Variants in ANXA13 observed in about 807,000 individuals in gnomAD.
The protein encoded by ANXA13 is annexin A13.
ANXA13 carries 36 observed loss-of-function variants against 46.6 expected under a neutral mutation model. The ratio of observed to expected loss-of-function variants is 0.77; its 90% CI spans 0.59 to 1.02. The LOEUF (loss-of-function observed/expected upper bound fraction) is 1.02. Among genes scored for constraint, ANXA13 ranks in the 50% least tolerant of loss-of-function variants. The pLI, the probability that ANXA13 is intolerant of heterozygous loss-of-function variation, is 0.00. For synonymous variants in ANXA13, 163 were observed against 152.9 expected (o/e 1.07, Z -0.49); for missense variants, 417 against 396.5 (o/e 1.05, Z -0.44).
At chr8:123,716,039 T>C (rs1329920299) in intron 1 of ANXA13, among the ~76,000 whole-genome samples, 3 of 152,210 alleles carry the variant, frequency 2.0e-5, no homozygotes, top group Non-Finnish European at 4.4e-5. Context: ...TTGAGTCATG[T>C]GCTATGAATG....
At chr8:123,717,133 C>A (rs1018504808) in intron 1 of ANXA13, among the ~76,000 whole-genome samples, 2 of 152,146 alleles carry the variant, frequency 1.3e-5, no homozygotes, top group Non-Finnish European at 2.9e-5. Flanking sequence ...TGGAGGTCTG[C>A]GCTTTGAGCC....
At chr8:123,702,230 G>C (rs900067228) in intron 3 of ANXA13, among the ~76,000 whole-genome samples, 8 of 146,678 alleles carry the variant, frequency 5.5e-5, no homozygotes, top group African/African-American at 2.0e-4. Context: ...AGAAAAATAG[G>C]TGTTGATAGC....
chr8:123,735,791 G>T lies in ANXA13; in HGVS notation c.15+1529C>A, dbSNP rs769061885. ...CCTCTGGCTCTCCATTCCGTGATGG[G>T]TGGCTGAGAGGCTGCACGACTGTCG... On this transcript the variant is annotated intron_variant, in intron 1 of 10. Coordinates refer to ENST00000419625, the MANE Select transcript of ANXA13 (RefSeq NM_004306.4). 24 of 1,612,494 alleles carry T rather than the reference G, an allele frequency of 1.5e-5. No individual in the cohort carries two copies. The highest frequency in any genetic ancestry group is 1.9e-5 in the Non-Finnish European group (22 of 1,179,242).
In ANXA13 at chr8:123,712,736, A is replaced by C. The variant is rs1217359177; in HGVS notation, c.33T>G (p.Pro11=). The C allele has an allele frequency of 6.2e-7, 1 of 1,614,232 alleles. No homozygotes were observed. The highest frequency in any genetic ancestry group is 1.7e-5 in the Admixed American group (1 of 60,026). ...CATCTCGATCCACATCAAAACCCTG[A>C]GGACTGCTCGCTTTAGCCTGGAGAA... MGNRHAKASS[P]QGFDVDRDAK... Residue 11 remains proline (P), a synonymous_variant, in exon 2 of 11, where the codon CCT becomes CCG. Coordinates refer to ENST00000419625, the MANE Select transcript of ANXA13 (RefSeq NM_004306.4).
intron 1 of ANXA13, among the ~76,000 whole-genome samples, chr8:123,737,009 T>G (rs1586348232): frequency 7.5e-6 from 1 of 133,758 alleles, no homozygotes; most frequent in East Asian, 2.4e-4. Context: ...CCACCACACC[T>G]AGCTAACTTT....
At chr8:123,724,141 A>G (rs1813937683) in intron 1 of ANXA13, among the ~76,000 whole-genome samples, 1 of 152,208 alleles carries the variant, frequency 6.6e-6, no homozygotes, top group South Asian at 2.1e-4. Flanking sequence ...AATTTAACCA[A>G]GGTGTCTGGG....
intron 6 of ANXA13, among the ~76,000 whole-genome samples, chr8:123,694,045 G>A (rs1054368030): frequency 4.0e-5 from 6 of 151,748 alleles, no homozygotes; most frequent in African/African-American, 1.2e-4. Flanking sequence ...TGACCTCTGA[G>A]CAGACTGAGT....
chr8:123,715,784 C>T (rs1030930868), intron 1 of ANXA13, among the ~76,000 whole-genome samples: 3 of 152,166 alleles, frequency 2.0e-5, no homozygotes, highest in Non-Finnish European at 4.4e-5. Flanking sequence ...GGCCAGGCAG[C>T]GGTTGAGTGG....
In ANXA13 at chr8:123,698,389, C is replaced by T. The variant is rs1241031622; in HGVS notation, c.357G>A (p.Lys119=). The change falls in exon 4 of 11, where the codon AAG becomes AAA. Residue 119 remains lysine (K), a splice_region_variant and synonymous_variant. Transcript: ENST00000419625. ...CCTTGCGGGCTCAGCTGGGACTGAC[C>T]TTATTGGTCCTCGTGCACAGGACCT... ...LIEVLCTRTN[K]EIIAIKEAYQ... The T allele has an allele frequency of 6.2e-7, 1 of 1,613,904 alleles. No individual in the cohort carries two copies. Among genetic ancestry groups the T allele is most frequent in the South Asian group, 1.1e-5 (1 of 91,064 alleles).
intron 3 of ANXA13, among the ~76,000 whole-genome samples, chr8:123,702,440 T>C (rs1813461417): frequency 6.6e-6 from 1 of 152,230 alleles, no homozygotes; most frequent in Non-Finnish European, 1.5e-5. Context: ...TTTAAGAGTA[T>C]TGATTTTACA....
chr8:123,691,150 C>T (rs1198650007), intron 8 of ANXA13, among the ~76,000 whole-genome samples: 3 of 152,128 alleles, frequency 2.0e-5, no homozygotes, highest in Non-Finnish European at 2.9e-5. Flanking sequence ...TGGCAAAACC[C>T]TGAGTTTTTG....
chr8:123,693,860 G>A, intron 6 of ANXA13, 81 bp from the exon 7 acceptor site: 1 of 1,283,344 alleles, frequency 7.8e-7, no homozygotes, highest in Non-Finnish European at 1.1e-6. Context: ...ACAAAGTCCT[G>A]GAGAAAGAGG....
intron 1 of ANXA13, among the ~76,000 whole-genome samples, chr8:123,715,111 G>T (rs1002642587): frequency 1.3e-5 from 2 of 152,200 alleles, no homozygotes; most frequent in Non-Finnish European, 2.9e-5. Context: ...AAAGCTATTT[G>T]GTGCTTTTGT....
At chr8:123,693,015 C>A (rs1813268174) in intron 8 of ANXA13, among the ~76,000 whole-genome samples, 182 bp downstream of exon 8, 4 of 152,180 alleles carry the variant, frequency 2.6e-5, no homozygotes, top group Admixed American at 6.5e-5. Context: ...CCACCCCCAG[C>A]TGTGACAACT....
chr8:123,734,417 A>G (rs1814202959), intron 1 of ANXA13, among the ~76,000 whole-genome samples: 1 of 152,148 alleles, frequency 6.6e-6, no homozygotes, highest in East Asian at 1.9e-4. Flanking sequence ...GTCCTCCAGG[A>G]TAAGGAAATT....
At chr8:123,720,835 A>C (rs745933189) in intron 1 of ANXA13, among the ~76,000 whole-genome samples, 2 of 152,148 alleles carry the variant, frequency 1.3e-5, no homozygotes, top group African/African-American at 2.4e-5. Flanking sequence ...CTCCCGCCTC[A>C]TGTGATCCTT....
At chr8:123,721,433 C>A (rs893269453) in intron 1 of ANXA13, among the ~76,000 whole-genome samples, 17 of 152,148 alleles carry the variant, frequency 1.1e-4, no homozygotes. Context: ...AATAATAGTA[C>A]CCACCTCGTA....
At position 123,735,113 on chromosome 8, in the gene ANXA13, CAAA is replaced by C. The variant is rs35085268; in HGVS notation, c.15+2204_15+2206del. ...ACCAAAACAAAAACCAAGTAAAACTCAAAAAAAAAAAAAAAAACAAACCCAGCA... is the reference window on the plus strand; with the variant it reads ...ACCAAAACAAAAACCAAGTAAAACTCAAAAAAAAAAAAAACAAACCCAGCA... On this transcript the variant is annotated intron_variant, in intron 1 of 10. Coordinates refer to ENST00000419625, the MANE Select transcript of ANXA13 (RefSeq NM_004306.4). 1.2e-4 allele frequency among the ~76,000 whole-genome samples: 13 copies of C among 108,554 alleles called. No homozygotes were observed. In the East Asian group the frequency reaches 2.9e-3, roughly 25 times the overall value. The allele number at this position is 108,554 out of a possible 152,430, so 71.2% of individuals were successfully genotyped here.
At chr8:123,716,582 TAAAAGA>T (rs1813762948) in intron 1 of ANXA13, among the ~76,000 whole-genome samples, 1 of 152,120 alleles carries the variant, frequency 6.6e-6, no homozygotes, top group Non-Finnish European at 1.5e-5. Context: ...GATGTGATTT[TAAAAGA>T]AAAAGAAAAA....
Sources: gnomAD v4.1 joint callset for allele counts (sites outside exome capture counted in the v4.1 genomes callset) on GRCh38, gnomAD v4.1.1 for gene constraint, MANE v1.5 for transcripts, NCBI Gene and HGNC (gene_info 2026-07-23, HGNC 2026-07-21) for gene names.